ANKS1B: variants seen among roughly 807,000 people sequenced by gnomAD.
The protein encoded by ANKS1B is ankyrin repeat and sterile alpha motif domain containing 1B, also known as ankyrin repeat and sterile alpha motif domain-containing protein 1B.
Under a neutral mutation model 148.3 loss-of-function variants are expected in ANKS1B, and 36 were observed. That is an observed-to-expected ratio of 0.24 (90% confidence interval 0.19 to 0.32). The LOEUF (loss-of-function observed/expected upper bound fraction) is 0.32, where lower values mean the gene tolerates loss of function less well. Ranked by LOEUF, ANKS1B falls within the 10% of genes least tolerant of loss-of-function variation. ANKS1B has a pLI of 1.00. For synonymous variants in ANKS1B, 542 were observed against 560.8 expected (o/e 0.97, Z 0.47); for missense variants, 1,157 against 1,542.6 (o/e 0.75, Z 4.19).
intron 17 of ANKS1B, among the ~76,000 whole-genome samples, chr12:99,002,407 C>T (rs932742908): frequency 1.3e-5 from 2 of 152,006 alleles, no homozygotes; most frequent in African/African-American, 4.8e-5. Flanking sequence ...CAGCGTACAA[C>T]ATGGTGTTTT....
rs77506036 is a variant in ANKS1B, at chr12:99,708,379, C to T, written c.1129-53169G>A. Reference sequence around the variant, plus strand: ...TACTGCTTGGATCCTGTATTAGTTTCTTTTGCTGCTGTAACAAATTACCAC... The same window carrying T: ...TACTGCTTGGATCCTGTATTAGTTTTTTTTGCTGCTGTAACAAATTACCAC... On this transcript the variant is annotated intron_variant, in intron 8 of 26. Transcript: ENST00000683438. 6.5e-3 allele frequency among the ~76,000 whole-genome samples: 997 copies of T among 152,224 alleles called. 14 individuals are homozygous for T. Among genetic ancestry groups the T allele is most frequent in the African/African-American group, 0.023 (935 of 41,536 alleles).
chr12:99,354,130 T>C (rs1345068258), intron 12 of ANKS1B, among the ~76,000 whole-genome samples: 2 of 152,062 alleles, frequency 1.3e-5, no homozygotes, highest in African/African-American at 2.4e-5. Flanking sequence ...GTGTATATAC[T>C]AACCTCAAAG....
chr12:99,378,628 T>C lies in ANKS1B; in HGVS notation c.1756+21003A>G, dbSNP rs76632513. 4.2e-3 allele frequency among the ~76,000 whole-genome samples: 531 copies of C among 126,948 alleles called. 37 individuals carry two copies. In the East Asian group the frequency reaches 0.094, roughly 22 times the overall value. The allele number at this position is 126,948 out of a possible 152,430, so 83.3% of individuals were successfully genotyped here. A position where few individuals can be genotyped will look rare whatever the true frequency, so the allele number is the denominator to read the frequency against. On this transcript the variant is annotated intron_variant, in intron 12 of 26. Transcript: ENST00000683438. ...CGAGATCACGCACTGCACTCCAGCCTGGCAACGGAGTGAGACTCCATCTCA... is the reference window on the plus strand; with the variant it reads ...CGAGATCACGCACTGCACTCCAGCCCGGCAACGGAGTGAGACTCCATCTCA...
At chr12:99,406,292 A>T (rs932926469) in intron 11 of ANKS1B, among the ~76,000 whole-genome samples, 1 of 146,078 alleles carries the variant, frequency 6.8e-6, no homozygotes, top group Non-Finnish European at 1.5e-5. Context: ...GTCTTAAAAA[A>T]ACTAAAAAAT....
At chr12:98,916,962 ATTT>A (rs367815683) in intron 17 of ANKS1B, among the ~76,000 whole-genome samples, 6 of 141,526 alleles carry the variant, frequency 4.2e-5, no homozygotes, top group Admixed American at 7.1e-5. Context: ...GTATTCAACT[ATTT>A]TTTTTTTTTT....
chr12:99,848,347 C>T (rs1045149797), intron 1 of ANKS1B, among the ~76,000 whole-genome samples: 5 of 152,142 alleles, frequency 3.3e-5, no homozygotes, highest in African/African-American at 1.2e-4. Context: ...AGAGAAAGAA[C>T]AGACCATGTA....
At chr12:98,789,597 C>A (rs1177406926) in intron 22 of ANKS1B, among the ~76,000 whole-genome samples, 1 of 151,868 alleles carries the variant, frequency 6.6e-6, no homozygotes, top group Non-Finnish European at 1.5e-5. Context: ...GTGTGTATAC[C>A]CTTTGATCCA....
intron 14 of ANKS1B, among the ~76,000 whole-genome samples, chr12:99,206,139 C>T (rs376234347): frequency 2.2e-4 from 33 of 152,254 alleles, no homozygotes; most frequent in African/African-American, 5.1e-4. Flanking sequence ...CAACAAGGTA[C>T]GCTGTGAAAG....
chr12:98,938,914 T>A (rs924786232), intron 17 of ANKS1B, among the ~76,000 whole-genome samples: 1 of 152,214 alleles, frequency 6.6e-6, no homozygotes, highest in African/African-American at 2.4e-5. Flanking sequence ...GAGAAGGCAG[T>A]GGAGATTAAT....
chr12:98,811,716 T>C (rs1426773457), intron 19 of ANKS1B, among the ~76,000 whole-genome samples: 2 of 152,110 alleles, frequency 1.3e-5, no homozygotes, highest in African/African-American at 4.8e-5. Context: ...TGTGGAGAGG[T>C]AGCTGACAGG....
intron 1 of ANKS1B, among the ~76,000 whole-genome samples, chr12:99,923,356 C>G (rs946235880): frequency 6.6e-6 from 1 of 152,152 alleles, no homozygotes; most frequent in African/African-American, 2.4e-5. Flanking sequence ...TTCTGAGAAC[C>G]AGGAAGAGTT....
intron 12 of ANKS1B, among the ~76,000 whole-genome samples, chr12:99,290,059 T>C (rs964269397): frequency 6.6e-6 from 1 of 151,460 alleles, no homozygotes; most frequent in African/African-American, 2.4e-5. Flanking sequence ...AAGGCCTAAA[T>C]ACAATCAGAG....
At chr12:99,818,717 A>C (rs2082162037) in intron 2 of ANKS1B, among the ~76,000 whole-genome samples, 1 of 151,862 alleles carries the variant, frequency 6.6e-6, no homozygotes, top group Non-Finnish European at 1.5e-5. Context: ...ATCAAATTAA[A>C]TTTAATAATA....
intron 9 of ANKS1B, among the ~76,000 whole-genome samples, chr12:99,608,830 T>C (rs933044438): frequency 6.6e-6 from 1 of 152,012 alleles, no homozygotes; most frequent in Non-Finnish European, 1.5e-5. Context: ...ATGCTGATGT[T>C]TTCTCTTAGT....
At chr12:99,296,959 G>T (rs1057152482) in intron 12 of ANKS1B, among the ~76,000 whole-genome samples, 1 of 152,102 alleles carries the variant, frequency 6.6e-6, no homozygotes, top group African/African-American at 2.4e-5. Context: ...TATGAATTGC[G>T]TTGGGCTAGA....
At chr12:99,746,081 A>G (rs962902237) in intron 8 of ANKS1B, among the ~76,000 whole-genome samples, 2 of 152,200 alleles carry the variant, frequency 1.3e-5, no homozygotes, top group Non-Finnish European at 2.9e-5. Context: ...GTCCAAGTTT[A>G]CATAACTGGT....
chr12:99,883,933 T>C (rs2092688063), intron 1 of ANKS1B, among the ~76,000 whole-genome samples: 1 of 152,080 alleles, frequency 6.6e-6, no homozygotes, highest in East Asian at 1.9e-4. Flanking sequence ...CTGCAAATCA[T>C]ATATCAAACA....
chr12:99,010,041 C>T (rs1001765475), intron 17 of ANKS1B, among the ~76,000 whole-genome samples: 6 of 152,032 alleles, frequency 3.9e-5, no homozygotes, highest in East Asian at 1.9e-4. Flanking sequence ...ACCCAAGAGA[C>T]GTGGGAGGAT....
At chr12:99,462,065 A>G (rs2095985369) in intron 10 of ANKS1B, among the ~76,000 whole-genome samples, 1 of 152,180 alleles carries the variant, frequency 6.6e-6, no homozygotes, top group South Asian at 2.1e-4. Flanking sequence ...GCCAGTAACT[A>G]CATTCACTCT....
Sources: allele counts gnomAD v4.1 joint callset (sites outside exome capture counted in the v4.1 genomes callset), GRCh38; gene constraint gnomAD v4.1.1; transcripts MANE v1.5; gene names NCBI Gene and HGNC (gene_info 2026-07-23, HGNC 2026-07-21).